The following PIK3CB variants were observed in gnomAD, a reference collection of about 807,000 sequenced individuals.
PIK3CB encodes phosphatidylinositol 4,5-bisphosphate 3-kinase catalytic subunit beta isoform.
In PIK3CB, 39 loss-of-function variants were observed where a neutral mutation model predicts 136.8. The ratio of observed to expected loss-of-function variants is 0.29; its 90% confidence interval spans 0.22 to 0.37. PIK3CB has a LOEUF of 0.37. Among genes scored for constraint, PIK3CB ranks in the 10% least tolerant of loss-of-function variants. The pLI is 1.00. For missense variants in PIK3CB, 868 were observed against 1,275.4 expected, an observed-to-expected ratio of 0.68 and a Z score of 4.87; for synonymous variants, 428 against 436.6, an observed-to-expected ratio of 0.98 and a Z score of 0.25.
intron 1 of PIK3CB, among the ~76,000 whole-genome samples, chr3:138,810,965 C>T (rs752660588): frequency 7.9e-5 from 12 of 152,014 alleles, no homozygotes; most frequent in Admixed American, 1.3e-4. Context: ...CGGTGGCTCA[C>T]ACCTATAATC....
At chr3:138,712,868 A>G (rs2044533680) in intron 9 of PIK3CB, among the ~76,000 whole-genome samples, 1 of 152,034 alleles carries the variant, frequency 6.6e-6, no homozygotes, top group Non-Finnish European at 1.5e-5. Context: ...CGCCCAGCCA[A>G]AATGAGAAAT....
At chr3:138,675,666 C>T (rs977046503) in intron 19 of PIK3CB, among the ~76,000 whole-genome samples, 3 of 152,066 alleles carry the variant, frequency 2.0e-5, no homozygotes, top group African/African-American at 7.2e-5. Context: ...ATTAGACATG[C>T]TGAAAGAAAA....
At chr3:138,753,426 C>T (rs1329719368) in intron 4 of PIK3CB, among the ~76,000 whole-genome samples, 1 of 151,532 alleles carries the variant, frequency 6.6e-6, no homozygotes, top group Non-Finnish European at 1.5e-5. Flanking sequence ...AAGGCTGAGG[C>T]AGGAGAATCT....
intron 12 of PIK3CB, among the ~76,000 whole-genome samples, chr3:138,701,796 A>G (rs936550680): frequency 2.0e-5 from 3 of 150,998 alleles, no homozygotes; most frequent in East Asian, 1.9e-4. Context: ...AAAAAAAAAA[A>G]AAAAAGAAAA....
At chr3:138,823,299 A>G (rs888269289) in intron 1 of PIK3CB, among the ~76,000 whole-genome samples, 1 of 152,070 alleles carries the variant, frequency 6.6e-6, no homozygotes, top group African/African-American at 2.4e-5. Flanking sequence ...TAAATCAAGA[A>G]TAAACAATTT....
intron 19 of PIK3CB, among the ~76,000 whole-genome samples, chr3:138,670,958 T>C (rs956511011): frequency 1.3e-5 from 2 of 152,132 alleles, no homozygotes; most frequent in Non-Finnish European, 2.9e-5. Context: ...TATTTCTTTT[T>C]TTAAAAAAAA....
At chr3:138,794,243 G>T (rs776215568) in intron 2 of PIK3CB, among the ~76,000 whole-genome samples, 1 of 152,152 alleles carries the variant, frequency 6.6e-6, no homozygotes, top group Non-Finnish European at 1.5e-5. Flanking sequence ...GGTTACAGGC[G>T]TGAGTCACAG....
At chr3:138,752,662 A>G (rs1231575618) in intron 4 of PIK3CB, among the ~76,000 whole-genome samples, 1 of 151,610 alleles carries the variant, frequency 6.6e-6, no homozygotes, top group African/African-American at 2.4e-5. Context: ...TGAGCCAAAA[A>G]GGCGCCACTA....
At chr3:138,771,639 C>A (rs974319152) in intron 2 of PIK3CB, among the ~76,000 whole-genome samples, 6 of 152,156 alleles carry the variant, frequency 3.9e-5, no homozygotes, top group African/African-American at 1.4e-4. Flanking sequence ...TATATCATAT[C>A]ATTTATAATA....
chr3:138,807,227 A>G (rs745812236), intron 1 of PIK3CB, among the ~76,000 whole-genome samples: 1 of 152,164 alleles, frequency 6.6e-6, no homozygotes, highest in Non-Finnish European at 1.5e-5. Context: ...TGAACTCAGG[A>G]GTTCGAGACC....
chr3:138,816,966 C>T (rs1422910786), intron 1 of PIK3CB, among the ~76,000 whole-genome samples: 3 of 151,296 alleles, frequency 2.0e-5, no homozygotes, highest in Admixed American at 2.0e-4. Flanking sequence ...TTTGGGAGGC[C>T]AAGGCAGGTG....
chr3:138,784,929 C>T (rs1267457308), intron 2 of PIK3CB, among the ~76,000 whole-genome samples: 1 of 152,108 alleles, frequency 6.6e-6, no homozygotes, highest in Non-Finnish European at 1.5e-5. Flanking sequence ...GGCCGCCACC[C>T]CGTCTGGGAG....
chr3:138,676,140 T>A (rs1042091633), intron 19 of PIK3CB, among the ~76,000 whole-genome samples: 7 of 151,948 alleles, frequency 4.6e-5, no homozygotes, highest in Non-Finnish European at 8.8e-5. Flanking sequence ...ATAACCCAAT[T>A]TACAAATGAG....
chr3:138,826,132 G>C, intron 1 of PIK3CB: 1 of 1,008,164 alleles, frequency 9.9e-7, no homozygotes, highest in Non-Finnish European at 1.5e-6. Flanking sequence ...TTGAAGTCTG[G>C]TGGTGCTGCC....
At chr3:138,719,235 A>ATTTTTT (rs34980826) in intron 8 of PIK3CB, among the ~76,000 whole-genome samples, 1 of 69,558 alleles carries the variant, frequency 1.4e-5, no homozygotes, top group Non-Finnish European at 2.5e-5. Flanking sequence ...TTAGCTCAGT[A>ATTTTTT]TTTTTTTTTT....
At chr3:138,759,478 C>A in intron 2 of PIK3CB, 119 bp from the exon 3 acceptor site, 1 of 574,100 alleles carries the variant, frequency 1.7e-6, no homozygotes, top group Non-Finnish European at 3.0e-6. Context: ...AATAATGTAA[C>A]AGGAGGCCAA....
At chr3:138,757,541 T>C (rs1170615427) in intron 3 of PIK3CB, among the ~76,000 whole-genome samples, 4 of 125,100 alleles carry the variant, frequency 3.2e-5, no homozygotes, top group Admixed American at 2.5e-4. Context: ...GCAAACAAGA[T>C]CGTATCTCTT....
chr3:138,830,375 C>G (rs545006709), intron 1 of PIK3CB, among the ~76,000 whole-genome samples: 1 of 151,818 alleles, frequency 6.6e-6, no homozygotes, highest in Non-Finnish European at 1.5e-5. Flanking sequence ...TATGGTGAAA[C>G]CCTGTCTCTA....
At position 138,691,143 on chromosome 3, in the gene PIK3CB, A is replaced by C; in HGVS notation, c.1893T>G (p.Ser631Arg). The part of the protein sequence containing the change: ...EYAVGCLRQM[S>R]DEELSQYLLQ... ...AAAGATATTGAGAAAGTTCTTCATC[A>C]CTGAAAGAAACAAAAGACACAGTGA... The change falls in exon 15 of 24, where the codon AGT (serine) becomes AGG (arginine). Residue 631 changes from serine to arginine, a missense_variant and splice_region_variant. This residue lies in a region of PIK3CB where 612 missense variants were observed against 801.1 expected (regional missense o/e 0.76). Coordinates refer to ENST00000674063, the MANE Select transcript of PIK3CB (RefSeq NM_006219.3). The C allele has an allele frequency of 6.2e-7, 1 of 1,611,384 alleles. No homozygotes were observed. The highest frequency in any genetic ancestry group is 8.5e-7 in the Non-Finnish European group (1 of 1,179,072).
Sources: gnomAD v4.1 joint callset for allele counts (sites outside exome capture counted in the v4.1 genomes callset) on GRCh38, gnomAD v4.1.1 for gene constraint, gnomAD v4.1.1 regional missense constraint, MANE v1.5 for transcripts, NCBI Gene and HGNC (gene_info 2026-07-23, HGNC 2026-07-21) for gene names.